Variants in COMMD10 observed in about 807,000 individuals in gnomAD.
COMMD10 encodes COMM domain containing 10.
In COMMD10, 33 loss-of-function variants were observed where a neutral mutation model predicts 28.9. That is an observed-to-expected ratio of 1.14 (90% CI 0.87 to 1.53). COMMD10 has a LOEUF of 1.53. Among genes scored for constraint, COMMD10 ranks in the 40% most tolerant of loss-of-function variants. The probability of loss-of-function intolerance (pLI) is 0.00; values close to 1 mark genes in which losing one functional copy is unlikely to be tolerated. For missense variants in COMMD10, 310 were observed against 233.4 expected (o/e 1.33, Z -2.14); for synonymous variants, 110 against 81.7 (o/e 1.35, Z -1.87).
At chr5:116,113,921 T>A (rs996913300) in intron 4 of COMMD10, among the ~76,000 whole-genome samples, 16 of 152,168 alleles carry the variant, frequency 1.1e-4, no homozygotes, top group African/African-American at 3.6e-4. Flanking sequence ...TTTTTTCAAT[T>A]TAACTTTTGT....
intron 2 of COMMD10, among the ~76,000 whole-genome samples, chr5:116,088,354 T>C (rs1201640792): frequency 1.3e-5 from 2 of 152,232 alleles, no homozygotes; most frequent in African/African-American, 4.8e-5. Flanking sequence ...ACCTCTTTTT[T>C]AGATGACAAT....
At chr5:116,257,114 C>T (rs973223956) in intron 5 of COMMD10, among the ~76,000 whole-genome samples, 1 of 151,626 alleles carries the variant, frequency 6.6e-6, no homozygotes, top group African/African-American at 2.4e-5. Context: ...TTTGAGAGAT[C>T]AAGAAATGGG....
chr5:116,277,136 A>G (rs1180132965), intron 5 of COMMD10, among the ~76,000 whole-genome samples: 2 of 151,892 alleles, frequency 1.3e-5, no homozygotes, highest in Non-Finnish European at 2.9e-5. Flanking sequence ...TCCTTTATTT[A>G]GGTATCATTG....
chr5:116,090,218 C>A (rs1445750080), intron 2 of COMMD10, among the ~76,000 whole-genome samples: 1 of 152,174 alleles, frequency 6.6e-6, no homozygotes, highest in Non-Finnish European at 1.5e-5. Context: ...TGGCCATCTT[C>A]TTGGCTCATC....
intron 5 of COMMD10, among the ~76,000 whole-genome samples, chr5:116,226,888 G>C (rs1488841768): frequency 4.6e-5 from 7 of 152,060 alleles, no homozygotes; most frequent in African/African-American, 1.7e-4. Flanking sequence ...CATATGGTCA[G>C]ATTGCTGAGT....
At chr5:116,094,438 A>G (rs959817018) in intron 4 of COMMD10, among the ~76,000 whole-genome samples, 7 of 152,252 alleles carry the variant, frequency 4.6e-5, no homozygotes, top group Non-Finnish European at 8.8e-5. Context: ...ACTAATTATC[A>G]GAGAAATGCA....
chr5:116,182,526 G>C (rs1748006059), intron 5 of COMMD10, among the ~76,000 whole-genome samples: 1 of 152,012 alleles, frequency 6.6e-6, no homozygotes, highest in Non-Finnish European at 1.5e-5. Context: ...AAACTTTGTT[G>C]CTGAGACATT....
intron 5 of COMMD10, among the ~76,000 whole-genome samples, chr5:116,192,970 CA>C (rs2112614397): frequency 6.6e-6 from 1 of 152,308 alleles, no homozygotes; most frequent in South Asian, 2.1e-4. Context: ...GATTTCTCAG[CA>C]GAAACCCTAT....
chr5:116,210,753 T>G (rs1203307076), intron 5 of COMMD10, among the ~76,000 whole-genome samples: 2 of 152,140 alleles, frequency 1.3e-5, no homozygotes, highest in Non-Finnish European at 2.9e-5. Context: ...TTTTACTTAT[T>G]TACTATACGA....
intron 5 of COMMD10, among the ~76,000 whole-genome samples, chr5:116,238,777 A>C (rs1749742169): frequency 6.6e-6 from 1 of 152,120 alleles, no homozygotes; most frequent in African/African-American, 2.4e-5. Context: ...AAAGCACAGA[A>C]CCAGGTTTGT....
At chr5:116,102,191 T>C (rs1750687638) in intron 4 of COMMD10, among the ~76,000 whole-genome samples, 1 of 152,216 alleles carries the variant, frequency 6.6e-6, no homozygotes, top group Admixed American at 6.5e-5. Context: ...AAATTTCAAG[T>C]ATTCCATTGA....
At chr5:116,269,021 C>T (rs982734871) in intron 5 of COMMD10, among the ~76,000 whole-genome samples, 1 of 151,632 alleles carries the variant, frequency 6.6e-6, no homozygotes, top group African/African-American at 2.4e-5. Context: ...GGGTGCAGCA[C>T]ACCAACATGG....
At chr5:116,286,621 C>A (rs1751226480) in intron 5 of COMMD10, among the ~76,000 whole-genome samples, 1 of 151,498 alleles carries the variant, frequency 6.6e-6, no homozygotes, top group Admixed American at 6.6e-5. Context: ...TTATTTGGCC[C>A]ATTGATTGTA....
chr5:116,269,115 TAAA>T (rs34197968), intron 5 of COMMD10, among the ~76,000 whole-genome samples: 1 of 151,734 alleles, frequency 6.6e-6, no homozygotes, highest in Admixed American at 6.6e-5. Context: ...TTTAAAAAGA[TAAA>T]AATGCTTAAA....
intron 5 of COMMD10, among the ~76,000 whole-genome samples, chr5:116,183,931 G>A (rs1463525557): frequency 1.3e-5 from 2 of 152,020 alleles, no homozygotes; most frequent in Non-Finnish European, 2.9e-5. Flanking sequence ...AGAGCATACT[G>A]GTGTTATTTT....
chr5:116,175,883 G>A (rs1303270196), intron 5 of COMMD10, among the ~76,000 whole-genome samples: 1 of 152,096 alleles, frequency 6.6e-6, no homozygotes, highest in East Asian at 1.9e-4. Context: ...ATGAGGAGTA[G>A]GGAGTTATTG....
intron 5 of COMMD10, among the ~76,000 whole-genome samples, chr5:116,279,993 A>G (rs1465805700): frequency 3.3e-5 from 5 of 151,886 alleles, no homozygotes; most frequent in Non-Finnish European, 7.4e-5. Flanking sequence ...ATCTTGATAT[A>G]CAGGTGAAAG....
At chr5:116,178,523 A>C (rs57096658) in intron 5 of COMMD10, among the ~76,000 whole-genome samples, 48,068 of 151,984 alleles carry the variant, frequency 0.32, 10,591 homozygotes, top group African/African-American at 0.63. Context: ...TGCAAATGTA[A>C]ATGTGTAAAT....
At chr5:116,256,906 A>G (rs1001338550) in intron 5 of COMMD10, among the ~76,000 whole-genome samples, 1 of 151,782 alleles carries the variant, frequency 6.6e-6, no homozygotes, top group African/African-American at 2.4e-5. Flanking sequence ...TTTGTATGCT[A>G]CTGATAAACA....
Sources: allele counts gnomAD v4.1 joint callset (sites outside exome capture counted in the v4.1 genomes callset), GRCh38; gene constraint gnomAD v4.1.1; transcripts MANE v1.5; gene names NCBI Gene and HGNC (gene_info 2026-07-23, HGNC 2026-07-21).